MSI2: variants seen among roughly 807,000 people sequenced by gnomAD.
The protein encoded by MSI2 is RNA-binding protein Musashi homolog 2.
In MSI2, 17 loss-of-function variants were observed where a neutral mutation model predicts 45.6. The observed-to-expected ratio is 0.37, with a 90% CI of 0.26 to 0.56. MSI2 has a LOEUF of 0.56. MSI2 is among the 20% of genes least tolerant of loss of function. The probability of loss-of-function intolerance (pLI) is 0.77; values close to 1 mark genes in which losing one functional copy is unlikely to be tolerated. For missense variants in MSI2, 293 were observed against 444.2 expected, an observed-to-expected ratio of 0.66 and a Z score of 3.06; for synonymous variants, 156 against 158.2, an observed-to-expected ratio of 0.99 and a Z score of 0.11.
chr17:57,564,099 C>T (rs1046398340), intron 7 of MSI2, among the ~76,000 whole-genome samples: 1 of 152,232 alleles, frequency 6.6e-6, no homozygotes. Context: ...GACACAAAGG[C>T]CCCCATGTCC....
chr17:57,376,922 CTTT>C (rs1209135893), intron 5 of MSI2, among the ~76,000 whole-genome samples: 1 of 123,974 alleles, frequency 8.1e-6, no homozygotes, highest in Non-Finnish European at 1.7e-5. Flanking sequence ...CTGCAAGTGC[CTTT>C]TTTTTTTTTT....
At chr17:57,624,077 G>T (rs577487262) in intron 9 of MSI2, among the ~76,000 whole-genome samples, 1 of 152,324 alleles carries the variant, frequency 6.6e-6, no homozygotes, top group African/African-American at 2.4e-5. Context: ...CTTTCTCGTT[G>T]AAGCCTTGTA....
rs755142115 is a variant in MSI2 at position 57,507,183 on chromosome 17, G to T, written c.406-22493G>T. On this transcript the variant is annotated intron_variant, in intron 6 of 13. Transcript: ENST00000284073. ...TGTTTCTCTGTGTGTGTTGGGGGGG[G>T]GGGGTGTAAATCTCTTCCCATTGGT... 1.3e-5 allele frequency among the ~76,000 whole-genome samples: 2 copies of T among 149,932 alleles called. 1 individual carries two copies. The highest frequency in any genetic ancestry group is 4.9e-5 in the African/African-American group (2 of 40,462).
intron 9 of MSI2, among the ~76,000 whole-genome samples, chr17:57,617,052 G>A (rs1907783624): frequency 6.6e-6 from 1 of 152,174 alleles, no homozygotes; most frequent in African/African-American, 2.4e-5. Flanking sequence ...CAGATTTGCT[G>A]CTGTTTAAAT....
intron 6 of MSI2, among the ~76,000 whole-genome samples, chr17:57,494,139 C>T (rs1033538156): frequency 2.6e-5 from 4 of 152,166 alleles, no homozygotes; most frequent in African/African-American, 9.7e-5. Flanking sequence ...GGTAAGGAAA[C>T]AAGGCTCAGA....
chr17:57,324,985 C>T (rs941283), intron 5 of MSI2, among the ~76,000 whole-genome samples: 101,992 of 152,076 alleles, frequency 0.67, 35,903 homozygotes, highest in Middle Eastern at 0.82. Context: ...GCCAAAATCA[C>T]CACTTTGTCA....
At position 57,612,456 on chromosome 17, in the gene MSI2, T is replaced by G. The variant is rs975682239; in HGVS notation, c.538-3514T>G. On this transcript the variant is annotated intron_variant, in intron 8 of 13. Coordinates refer to ENST00000284073, the MANE Select transcript of MSI2 (RefSeq NM_138962.4). ...GGCCTTCAGGGCAGGCAGGCCAGGT[T>G]CCCTGCTGTTAACTGTTACCTGCTG... Among the ~76,000 whole-genome samples, 2 of 45,022 alleles carry G rather than the reference T, an allele frequency of 4.4e-5. 1 individual carries two copies. Among genetic ancestry groups the G allele is most frequent in the Non-Finnish European group, 1.2e-4 (2 of 17,050 alleles). 29.5% of individuals were successfully genotyped at this position (45,022 alleles called of 152,430 possible). A position where few individuals can be genotyped will look rare whatever the true frequency, so the allele number is the denominator to read the frequency against.
intron 6 of MSI2, among the ~76,000 whole-genome samples, chr17:57,457,210 T>C (rs914427962): frequency 1.3e-5 from 2 of 152,064 alleles, no homozygotes; most frequent in African/African-American, 4.8e-5. Flanking sequence ...CCCAAAGGGG[T>C]AAGAGATTTT....
intron 5 of MSI2, among the ~76,000 whole-genome samples, chr17:57,396,413 C>CCA (rs55688182): frequency 0.13 from 20,028 of 149,452 alleles, 1,390 homozygotes; most frequent in African/African-American, 0.16. Context: ...AGCACACACA[C>CCA]CACACACACA....
At chr17:57,603,328 C>G (rs1179650336) in intron 8 of MSI2, among the ~76,000 whole-genome samples, 2 of 152,222 alleles carry the variant, frequency 1.3e-5, no homozygotes, top group Non-Finnish European at 2.9e-5. Context: ...GTCCTTGTCC[C>G]CAAGTCGGGA....
chr17:57,498,852 T>G (rs1188513858), intron 6 of MSI2, among the ~76,000 whole-genome samples: 2 of 152,084 alleles, frequency 1.3e-5, no homozygotes, highest in East Asian at 3.9e-4. Context: ...TGCACCATGT[T>G]GGTGTGCTGC....
intron 5 of MSI2, among the ~76,000 whole-genome samples, chr17:57,358,076 G>A (rs775472595): frequency 7.9e-5 from 12 of 152,204 alleles, no homozygotes; most frequent in Admixed American, 2.6e-4. Flanking sequence ...TGGCTCCCAC[G>A]GGGAGTTGCA....
intron 7 of MSI2, among the ~76,000 whole-genome samples, chr17:57,531,444 C>T (rs1242224335): frequency 6.6e-6 from 1 of 152,156 alleles, no homozygotes; most frequent in East Asian, 1.9e-4. Context: ...ACTGAGAGAC[C>T]CATGGCTGAG....
chr17:57,409,677 A>G (rs2084150558), intron 6 of MSI2, among the ~76,000 whole-genome samples: 2 of 152,092 alleles, frequency 1.3e-5, no homozygotes, highest in Admixed American at 1.3e-4. Flanking sequence ...TGAAATGTTG[A>G]TGATTACTTG....
At chr17:57,647,992 T>G (rs975469911) in intron 10 of MSI2, among the ~76,000 whole-genome samples, 3 of 151,616 alleles carry the variant, frequency 2.0e-5, no homozygotes, top group African/African-American at 7.3e-5. Context: ...AGACAGAGTC[T>G]TGCTCTCTCA....
intron 6 of MSI2, among the ~76,000 whole-genome samples, chr17:57,464,391 C>T (rs546739390): frequency 1.3e-5 from 2 of 151,988 alleles, no homozygotes; most frequent in Non-Finnish European, 2.9e-5. Flanking sequence ...CTGCAGTGAG[C>T]CATGATTGTG....
chr17:57,366,786 G>A (rs1598175785), intron 5 of MSI2, among the ~76,000 whole-genome samples: 1 of 152,202 alleles, frequency 6.6e-6, no homozygotes, highest in African/African-American at 2.4e-5. Flanking sequence ...TTTTGCCATA[G>A]CGTGGGTGGC....
chr17:57,588,715 G>A (rs997802320), intron 7 of MSI2, among the ~76,000 whole-genome samples: 3 of 152,184 alleles, frequency 2.0e-5, no homozygotes, highest in Admixed American at 6.5e-5. Context: ...TCTGTCTGCC[G>A]GATTGTAAGA....
At chr17:57,666,639 A>C (rs1353082658) in intron 11 of MSI2, among the ~76,000 whole-genome samples, 4 of 152,190 alleles carry the variant, frequency 2.6e-5, no homozygotes, top group African/African-American at 9.7e-5. Flanking sequence ...TGGATTTCAC[A>C]GTGTTTTCTT....
Sources: gnomAD v4.1 joint callset for allele counts (sites outside exome capture counted in the v4.1 genomes callset) on GRCh38, gnomAD v4.1.1 for gene constraint, MANE v1.5 for transcripts, NCBI Gene and HGNC (gene_info 2026-07-23, HGNC 2026-07-21) for gene names.